Variants in UGP2 observed in about 807,000 individuals in gnomAD.
UGP2 encodes the protein UTP--glucose-1-phosphate uridylyltransferase.
In UGP2, 40 loss-of-function variants were observed where a neutral mutation model predicts 49.0. That is an observed-to-expected ratio of 0.82 (90% CI 0.63 to 1.06). The LOEUF is 1.06. Ranked by LOEUF, UGP2 falls within the 50% of genes least tolerant of loss-of-function variation. The pLI, the probability that UGP2 is intolerant of heterozygous loss-of-function variation, is 0.00. For missense variants in UGP2, 460 were observed against 603.5 expected (o/e 0.76, Z 2.49); for synonymous variants, 225 against 213.0 (o/e 1.06, Z -0.49).
At chr2:63,844,905 C>T (rs1233327502) in intron 1 of UGP2, among the ~76,000 whole-genome samples, 2 of 152,298 alleles carry the variant, frequency 1.3e-5, no homozygotes, top group East Asian at 1.9e-4. Context: ...TAGTCCTTCC[C>T]GACATCTTTT....
chr2:63,849,439 T>C (rs1668897730), intron 1 of UGP2, among the ~76,000 whole-genome samples: 1 of 152,248 alleles, frequency 6.6e-6, no homozygotes, highest in East Asian at 1.9e-4. Context: ...AACATAGTTA[T>C]ATCCACTGTT....
intron 1 of UGP2, among the ~76,000 whole-genome samples, chr2:63,849,204 GC>G (rs1350888080): frequency 3.9e-5 from 6 of 152,156 alleles, no homozygotes; most frequent in Admixed American, 6.5e-5. Flanking sequence ...GTTGTATTAT[GC>G]TTAGTCTCCT....
At chr2:63,891,059 G>A in intron 9 of UGP2, 61 bp from the exon 10 acceptor site, 3 of 1,431,890 alleles carry the variant, frequency 2.1e-6, no homozygotes, top group Non-Finnish European at 2.9e-6. Context: ...CTTGATCACT[G>A]TAAGATAATC....
In UGP2 at chr2:63,890,137, C is replaced by T; in HGVS notation, c.1371C>T (p.His457=). The change falls in exon 9 of 10, where the codon CAC becomes CAT. Residue 457 remains histidine (H), a synonymous_variant. Coordinates refer to ENST00000337130, the MANE Select transcript of UGP2 (RefSeq NM_006759.4). ...ESIPDMLELD[H]LTVSGDVTFG... ...TACCAGATATGCTTGAATTGGATCA[C>T]CTCACAGTTTCAGGAGATGTGACAT... 1 of 1,612,402 alleles carries T rather than the reference C, an allele frequency of 6.2e-7. No individual in the cohort carries two copies. The highest frequency in any genetic ancestry group is 8.5e-7 in the Non-Finnish European group (1 of 1,179,430).
At chr2:63,865,693 C>T (rs1670138512) in intron 3 of UGP2, among the ~76,000 whole-genome samples, 1 of 151,966 alleles carries the variant, frequency 6.6e-6, no homozygotes, top group South Asian at 2.1e-4. Context: ...CACGTGTCAG[C>T]ATGCCCACCT....
intron 3 of UGP2, among the ~76,000 whole-genome samples, chr2:63,862,070 G>GC (rs1669888630): frequency 1.3e-5 from 2 of 151,904 alleles, no homozygotes; most frequent in Admixed American, 1.3e-4. Flanking sequence ...AGGCAATCTG[G>GC]CCAAGCATCT....
At chr2:63,852,144 G>A (rs1457757377) in intron 1 of UGP2, among the ~76,000 whole-genome samples, 1 of 152,214 alleles carries the variant, frequency 6.6e-6, no homozygotes, top group South Asian at 2.1e-4. Flanking sequence ...ACAGGGCATT[G>A]GGGCAGGGAG....
In UGP2 at chr2:63,886,242, A is replaced by G. The variant is rs1671662212; in HGVS notation, c.874-99A>G. 6 of 1,154,136 alleles carry G rather than the reference A, an allele frequency of 5.2e-6. No individual in the cohort carries two copies. In the South Asian group the frequency reaches 8.5e-5, roughly 16 times the overall value. The allele number at this position is 1,154,136 out of a possible 1,614,324, so 71.5% of individuals were successfully genotyped here. A position where few individuals can be genotyped will look rare whatever the true frequency, so the allele number is the denominator to read the frequency against. On this transcript the variant is annotated intron_variant, in intron 6 of 9. Coordinates refer to ENST00000337130, the MANE Select transcript of UGP2 (RefSeq NM_006759.4). ...TGAAAATTTACTCTGTTTCTACATA[A>G]TGTATTTATATATTTTTTGTATAAT... is the stretch of plus-strand genomic sequence containing the variant.
At chr2:63,884,158 T>TA in intron 5 of UGP2, 65 bp downstream of exon 5, 2 of 1,579,372 alleles carry the variant, frequency 1.3e-6, no homozygotes, top group Non-Finnish European at 1.7e-6. Flanking sequence ...TTATCTTGTT[T>TA]ATAACAGAGC....
Position 63,886,520 on chromosome 2 carries a change from A to G in UGP2, c.1053A>G (p.Glu351=). Residue 351 remains glutamate, a synonymous_variant, in exon 7 of 10, where the codon GAA becomes GAG. Coordinates refer to ENST00000337130, the MANE Select transcript of UGP2 (RefSeq NM_006759.4). ...AGGAGCAAAATGCCATTGACATGGAAATCATTGTGAATGCAAAGGTAAGCC... is the reference window on the plus strand; with the variant it reads ...AGGAGCAAAATGCCATTGACATGGAGATCATTGTGAATGCAAAGGTAAGCC... The part of the protein sequence containing the change: ...RLQEQNAIDM[E]IIVNAKTLDG... 1 of 1,614,114 alleles carries G rather than the reference A, an allele frequency of 6.2e-7. No homozygotes were observed. Among genetic ancestry groups the G allele is most frequent in the Non-Finnish European group, 8.5e-7 (1 of 1,180,010 alleles).
chr2:63,864,612 G>A (rs1670055774), intron 3 of UGP2, among the ~76,000 whole-genome samples: 1 of 152,120 alleles, frequency 6.6e-6, no homozygotes, highest in Non-Finnish European at 1.5e-5. Flanking sequence ...AGCTAATAAG[G>A]CAGAATTTAG....
At chr2:63,863,842 A>G (rs1222779838) in intron 3 of UGP2, among the ~76,000 whole-genome samples, 1 of 152,200 alleles carries the variant, frequency 6.6e-6, no homozygotes, top group Non-Finnish European at 1.5e-5. Context: ...TGGATGTGCC[A>G]GGAGAATACC....
chr2:63,882,224 C>A (rs1414102876), intron 3 of UGP2, among the ~76,000 whole-genome samples: 1 of 152,156 alleles, frequency 6.6e-6, no homozygotes, highest in Non-Finnish European at 1.5e-5. Context: ...ACAACTTTTT[C>A]CCCCTTCTCG....
intron 6 of UGP2, 55 bp downstream of exon 6, chr2:63,885,941 A>ATGAAGT: frequency 6.7e-7 from 1 of 1,489,310 alleles, no homozygotes; most frequent in South Asian, 1.5e-5. Context: ...TTCGTAAGTT[A>ATGAAGT]TGAAGTTAAA....
At chr2:63,861,424 G>A (rs572251090) in intron 3 of UGP2, among the ~76,000 whole-genome samples, 29 of 151,934 alleles carry the variant, frequency 1.9e-4, no homozygotes, top group Non-Finnish European at 3.5e-4. Context: ...CACATGGCTG[G>A]CACTGACCCC....
intron 1 of UGP2, among the ~76,000 whole-genome samples, chr2:63,845,243 C>T (rs1177589536): frequency 2.0e-5 from 3 of 152,048 alleles, no homozygotes; most frequent in African/African-American, 7.2e-5. Flanking sequence ...CCTTTCAAAC[C>T]TCAGTTTCTT....
rs1340378843 is a variant in UGP2 at position 63,885,584 on chromosome 2, T to A, written c.576-5T>A. 9.2e-6 allele frequency: 14 copies of A among 1,513,606 alleles called. No homozygotes were observed. The highest frequency in any genetic ancestry group is 4.0e-5 in the South Asian group (3 of 74,162). 93.8% of individuals were successfully genotyped at this position (1,513,606 alleles called of 1,614,324 possible). A position where few individuals can be genotyped will look rare whatever the true frequency, so the allele number is the denominator to read the frequency against. On this transcript the variant is annotated splice_polypyrimidine_tract_variant and splice_region_variant and intron_variant, in intron 5 of 9. Transcript: ENST00000337130. ...TATTGAAAAAGAACTTTTTTTTTTT[T>A]AAAGGTACCCGAGGATTAATAAAGA...
chr2:63,870,572 C>G (rs1024986607), intron 3 of UGP2, among the ~76,000 whole-genome samples: 1 of 152,146 alleles, frequency 6.6e-6, no homozygotes, highest in African/African-American at 2.4e-5. Context: ...AATCTGGTTT[C>G]TAATCAGTGA....
intron 3 of UGP2, chr2:63,863,037 T>G (rs906893741): frequency 3.0e-6 from 1 of 330,380 alleles, no homozygotes; most frequent in Non-Finnish European, 6.0e-6. Context: ...TAAAACTATC[T>G]TCTTAGCTGA....
Sources: allele counts gnomAD v4.1 joint callset (sites outside exome capture counted in the v4.1 genomes callset), GRCh38; gene constraint gnomAD v4.1.1; transcripts MANE v1.5; gene names NCBI Gene and HGNC (gene_info 2026-07-23, HGNC 2026-07-21).